The following MAST2 variants were observed in gnomAD, a reference collection of about 807,000 sequenced individuals.
MAST2 encodes the protein microtubule associated serine/threonine kinase 2.
MAST2 carries 70 observed loss-of-function variants against 147.4 expected under a neutral mutation model. The ratio of observed to expected loss-of-function variants is 0.47; its 90% CI spans 0.39 to 0.58. The LOEUF (loss-of-function observed/expected upper bound fraction) is 0.58. Ranked by LOEUF, MAST2 falls within the 20% of genes least tolerant of loss-of-function variation. The pLI, the probability that MAST2 is intolerant of heterozygous loss-of-function variation, is 0.00. For missense variants in MAST2, 2,080 were observed against 2,302.3 expected, an observed-to-expected ratio of 0.90 and a Z score of 1.98; for synonymous variants, 869 against 896.8, an observed-to-expected ratio of 0.97 and a Z score of 0.55.
intron 4 of MAST2, among the ~76,000 whole-genome samples, chr1:45,923,031 T>C (rs1226323349): frequency 6.6e-6 from 1 of 152,074 alleles, no homozygotes; most frequent in Non-Finnish European, 1.5e-5. Context: ...CCTGGGCCCC[T>C]GAAGCATGGC....
At position 46,034,751 on chromosome 1, in the gene MAST2, G is replaced by T; in HGVS notation, c.4082G>T (p.Arg1361Leu). The change falls in exon 29 of 29, where the codon CGG becomes CTG. Residue 1361 changes from arginine (R) to leucine (L), a missense_variant. Arg to Leu is a moderately radical substitution (Grantham distance 102). Transcript: ENST00000361297. ...CCACCCCCAACAGCTTCACCTCAGC[G>T]GTCCCCATCGCCCCTGTCTGGCCAT... ...SPPPPTASPQ[R>L]SPSPLSGHVA... 3 of 1,613,424 alleles carry T rather than the reference G, an allele frequency of 1.9e-6. No homozygotes were observed. The highest frequency in any genetic ancestry group is 2.5e-6 in the Non-Finnish European group (3 of 1,179,926).
At chr1:45,924,003 C>T (rs1557913107) in intron 4 of MAST2, among the ~76,000 whole-genome samples, 5 of 152,142 alleles carry the variant, frequency 3.3e-5, no homozygotes, top group African/African-American at 1.2e-4. Context: ...TCCCCAGTAG[C>T]TGGGATTACA....
intron 4 of MAST2, among the ~76,000 whole-genome samples, chr1:45,951,428 C>A (rs552130750): frequency 6.6e-6 from 1 of 152,032 alleles, no homozygotes; most frequent in South Asian, 2.1e-4. Context: ...ACAAAAAATA[C>A]AAAACTTAGT....
At chr1:45,943,215 T>A (rs950669117) in intron 4 of MAST2, among the ~76,000 whole-genome samples, 1 of 152,164 alleles carries the variant, frequency 6.6e-6, no homozygotes, top group African/African-American at 2.4e-5. Context: ...GGCATGATGA[T>A]GGGTGGGACA....
In MAST2 at chr1:45,918,563, G is replaced by A. The variant is rs553716644; in HGVS notation, c.500+36168G>A. Among the ~76,000 whole-genome samples the A allele has an allele frequency of 2.0e-4, 30 of 152,160 alleles. 1 individual carries two copies. The highest frequency in any genetic ancestry group is 3.4e-4 in the Non-Finnish European group (23 of 67,998). ...AGTGATTCTTCTGCCTCAGCCTCCCGAGTAGCTGGGATTACAGGCGGCTGC... is the reference window on the plus strand; with the variant it reads ...AGTGATTCTTCTGCCTCAGCCTCCCAAGTAGCTGGGATTACAGGCGGCTGC... On this transcript the variant is annotated intron_variant, in intron 4 of 28. Coordinates refer to ENST00000361297, the MANE Select transcript of MAST2 (RefSeq NM_015112.3).
rs368164655 is a variant in MAST2 at position 45,824,405 on chromosome 1, T to G, written c.178-28T>G. ...ATACTTCAGAGGAGATATTAAAGAC[T>G]CATGTTTTACTCTTTTTCTCTTTGA... On this transcript the variant is annotated intron_variant, in intron 1 of 28. Transcript: ENST00000361297. 13 of 1,558,866 alleles carry G rather than the reference T, an allele frequency of 8.3e-6. No individual in the cohort carries two copies. The African/African-American group carries it at 1.8e-4, about 21-fold the overall frequency.
intron 16 of MAST2, 113 bp downstream of exon 16, chr1:46,025,928 C>T: frequency 2.2e-6 from 3 of 1,360,360 alleles, no homozygotes; most frequent in Non-Finnish European, 3.1e-6. Flanking sequence ...GGAAAACATG[C>T]TCCTGTGTGT....
At chr1:46,024,674 T>C (rs1049967306) in intron 15 of MAST2, among the ~76,000 whole-genome samples, 1 of 152,234 alleles carries the variant, frequency 6.6e-6, no homozygotes, top group African/African-American at 2.4e-5. Context: ...CAGATGTGTT[T>C]ACAGTATGCA....
chr1:45,886,274 T>A (rs1193984112), intron 4 of MAST2, among the ~76,000 whole-genome samples: 3 of 146,860 alleles, frequency 2.0e-5, no homozygotes, highest in African/African-American at 7.5e-5. Flanking sequence ...TACATATATA[T>A]TTATATATTG....
chr1:45,977,970 C>T (rs1320752048), intron 5 of MAST2, among the ~76,000 whole-genome samples: 1 of 152,118 alleles, frequency 6.6e-6, no homozygotes, highest in Non-Finnish European at 1.5e-5. Context: ...AATCCTAGCA[C>T]TGCGGGAGCC....
intron 4 of MAST2, among the ~76,000 whole-genome samples, chr1:45,950,853 G>C (rs925444504): frequency 6.6e-6 from 1 of 152,138 alleles, no homozygotes; most frequent in Non-Finnish European, 1.5e-5. Flanking sequence ...TGGCTGAGGC[G>C]AGTGGACTGC....
intron 5 of MAST2, among the ~76,000 whole-genome samples, chr1:45,965,305 T>C (rs914450719): frequency 6.6e-6 from 1 of 152,234 alleles, no homozygotes; most frequent in Non-Finnish European, 1.5e-5. Context: ...ATCTGTCTAA[T>C]GTTGACAGTG....
At chr1:45,842,331 A>G (rs1013072279) in intron 3 of MAST2, among the ~76,000 whole-genome samples, 1 of 152,230 alleles carries the variant, frequency 6.6e-6, no homozygotes, top group African/African-American at 2.4e-5. Context: ...ACATAACAAA[A>G]TCAACCATTT....
chr1:45,826,303 T>G (rs1226479747), intron 2 of MAST2, among the ~76,000 whole-genome samples: 3 of 152,182 alleles, frequency 2.0e-5, no homozygotes, highest in African/African-American at 7.2e-5. Context: ...TTATGACTTT[T>G]GGGGTGCTTT....
chr1:45,803,885 C>T lies in MAST2; in HGVS notation c.-11C>T. Reference sequence around the variant, plus strand: ...TCGCGGCGCTGACGCCCGCGGGCCCCAGCTGCAGATATGAAGCGGAGCCGC... The same window carrying T: ...TCGCGGCGCTGACGCCCGCGGGCCCTAGCTGCAGATATGAAGCGGAGCCGC... On this transcript the variant is annotated 5_prime_UTR_variant, in exon 1 of 29. Transcript: ENST00000361297. The T allele has an allele frequency of 1.7e-6, 1 of 592,116 alleles. No homozygotes were observed. Among genetic ancestry groups the T allele is most frequent in the Non-Finnish European group, 2.6e-6 (1 of 388,190 alleles). 36.7% of individuals were successfully genotyped at this position (592,116 alleles called of 1,614,324 possible).
chr1:45,903,126 C>CTTTTTTTTTT (rs34621764), intron 4 of MAST2, among the ~76,000 whole-genome samples: 7 of 79,322 alleles, frequency 8.8e-5, no homozygotes, highest in Admixed American at 1.9e-4. Flanking sequence ...AAATTTTTGT[C>CTTTTTTTTTT]TTTTTTTTTT....
At chr1:46,006,702 C>G (rs960787940) in intron 8 of MAST2, 1 of 202,262 alleles carries the variant, frequency 4.9e-6, no homozygotes, top group East Asian at 1.1e-4. Flanking sequence ...TCAACAAAGC[C>G]CAAGCTATTT....
intron 3 of MAST2, chr1:45,847,320 T>C: frequency 4.0e-6 from 2 of 499,134 alleles, no homozygotes; most frequent in Non-Finnish European, 8.0e-6. Flanking sequence ...GATACTGTTA[T>C]GTAACTCAAT....
rs202100005 is a variant in MAST2 at position 46,015,029 on chromosome 1, A to G, written c.1188+4090A>G. 3.5e-3 allele frequency among the ~76,000 whole-genome samples: 536 copies of G among 151,882 alleles called. 6 individuals are homozygous for G. Among genetic ancestry groups the G allele is most frequent in the East Asian group, 0.034 (174 of 5,174 alleles). Reference sequence around the variant, plus strand: ...ACTCAGGATTAAGAAACTCACTCAAAACCACTCAACTACATGGAAACTGAA... The same window carrying G: ...ACTCAGGATTAAGAAACTCACTCAAGACCACTCAACTACATGGAAACTGAA... On this transcript the variant is annotated intron_variant, in intron 10 of 28. Transcript: ENST00000361297.
Sources: gnomAD v4.1 joint callset for allele counts (sites outside exome capture counted in the v4.1 genomes callset) on GRCh38, gnomAD v4.1.1 for gene constraint, MANE v1.5 for transcripts, NCBI Gene and HGNC (gene_info 2026-07-23, HGNC 2026-07-21) for gene names.